RELN: variants seen among roughly 807,000 people sequenced by gnomAD.
RELN encodes the protein reelin.
In RELN, 108 loss-of-function variants were observed where a neutral mutation model predicts 427.6. The observed-to-expected ratio is 0.25, with a 90% confidence interval of 0.22 to 0.30. The LOEUF (loss-of-function observed/expected upper bound fraction) is 0.30, where lower values mean the gene tolerates loss of function less well. RELN is among the 10% of genes least tolerant of loss of function. RELN has a pLI of 1.00. For missense variants in RELN, 3,715 were observed against 4,302.8 expected (o/e 0.86, Z 3.82); for synonymous variants, 1,524 against 1,513.4 (o/e 1.01, Z -0.16).
chr7:103,730,293 G>A (rs1456467542), intron 6 of RELN, among the ~76,000 whole-genome samples: 2 of 151,798 alleles, frequency 1.3e-5, no homozygotes, highest in East Asian at 1.9e-4. Flanking sequence ...TATTTATCAA[G>A]AAAATATCTA....
chr7:103,872,987 A>C (rs7809141), intron 2 of RELN, among the ~76,000 whole-genome samples: 119,157 of 151,570 alleles, frequency 0.79, 46,979 homozygotes, highest in South Asian at 0.9. Flanking sequence ...GAGTAGGTTG[A>C]GAAAATTAAC....
At chr7:103,522,305 A>G (rs1249011063) in intron 47 of RELN, 106 bp from the exon 48 acceptor site, 1 of 1,141,904 alleles carries the variant, frequency 8.8e-7, no homozygotes, top group Admixed American at 2.0e-5. Flanking sequence ...AGATGATGAA[A>G]AGTTACTGAT....
chr7:103,779,822 G>A (rs186401423), intron 3 of RELN, among the ~76,000 whole-genome samples: 5,455 of 152,234 alleles, frequency 0.036, 152 homozygotes, highest in South Asian at 0.08. Flanking sequence ...CCACCTCCCA[G>A]GTTCAAGCGA....
chr7:103,574,351 C>G, intron 29 of RELN, 52 bp from the exon 30 acceptor site: 1 of 1,498,666 alleles, frequency 6.7e-7, no homozygotes, highest in South Asian at 1.1e-5. Flanking sequence ...TCATTCAAAA[C>G]GAGGTCTATT....
At chr7:103,912,416 C>T (rs1292296249) in intron 2 of RELN, among the ~76,000 whole-genome samples, 1 of 152,082 alleles carries the variant, frequency 6.6e-6, no homozygotes, top group African/African-American at 2.4e-5. Flanking sequence ...GAACTCCTGA[C>T]CTTGTGATCT....
chr7:103,892,863 A>T (rs754697349), intron 2 of RELN, among the ~76,000 whole-genome samples: 13 of 152,202 alleles, frequency 8.5e-5, no homozygotes. Flanking sequence ...CTTTCAGAAT[A>T]TACCTATGAT....
intron 46 of RELN, among the ~76,000 whole-genome samples, chr7:103,530,652 G>C (rs6465927): frequency 0.065 from 9,914 of 152,062 alleles, 1,075 homozygotes; most frequent in African/African-American, 0.22. Context: ...GCTTGAATCG[G>C]CAACTCATGT....
At chr7:103,502,670 A>C (rs17152191) in intron 52 of RELN, among the ~76,000 whole-genome samples, 20,083 of 152,222 alleles carry the variant, frequency 0.13, 1,427 homozygotes, top group African/African-American at 0.19. Flanking sequence ...GAAAGTATAT[A>C]GTGCACAGAG....
chr7:103,775,261 C>T (rs923486974), intron 4 of RELN, among the ~76,000 whole-genome samples: 4 of 152,078 alleles, frequency 2.6e-5, no homozygotes, highest in Admixed American at 6.5e-5. Flanking sequence ...TACAAAGGCA[C>T]ATTTTAATAT....
At chr7:103,527,310 A>G (rs1829843017) in intron 46 of RELN, among the ~76,000 whole-genome samples, 1 of 152,222 alleles carries the variant, frequency 6.6e-6, no homozygotes, top group East Asian at 1.9e-4. Context: ...CGAAAGAGAT[A>G]CATAAAATAT....
intron 64 of RELN, chr7:103,473,152 A>G (rs772430103): frequency 3.3e-6 from 2 of 613,210 alleles, no homozygotes; most frequent in Non-Finnish European, 3.0e-6. Flanking sequence ...TCTGAACCAG[A>G]AAATATGTGA....
At chr7:103,508,180 T>G (rs1208553573) in intron 51 of RELN, among the ~76,000 whole-genome samples, 1 of 152,118 alleles carries the variant, frequency 6.6e-6, no homozygotes, top group African/African-American at 2.4e-5. Context: ...CCTAACTCAT[T>G]TTATGAGGCC....
chr7:103,558,079 CTTT>C, intron 36 of RELN, 30 bp from the exon 37 acceptor site: 1 of 1,056,598 alleles, frequency 9.5e-7, no homozygotes, highest in Non-Finnish European at 1.5e-6. Flanking sequence ...CGTTAAGCAA[CTTT>C]TTTTCACTTG....
At chr7:103,942,483 T>A (rs1365744501) in intron 1 of RELN, among the ~76,000 whole-genome samples, 1 of 152,242 alleles carries the variant, frequency 6.6e-6, no homozygotes, top group Admixed American at 6.5e-5. Flanking sequence ...CAGAACACTT[T>A]TAAATAAATC....
chr7:103,906,342 A>G (rs549841188), intron 2 of RELN, among the ~76,000 whole-genome samples: 2 of 152,284 alleles, frequency 1.3e-5, no homozygotes, highest in Admixed American at 1.3e-4. Context: ...TATCCATAAA[A>G]TAAGGAGAAT....
intron 2 of RELN, among the ~76,000 whole-genome samples, chr7:103,894,276 AG>A (rs1160686679): frequency 2.6e-5 from 4 of 152,188 alleles, no homozygotes; most frequent in Non-Finnish European, 5.9e-5. Flanking sequence ...TTTGACCTAT[AG>A]TATACTCTTC....
intron 22 of RELN, among the ~76,000 whole-genome samples, chr7:103,608,829 A>T (rs1331547733): frequency 6.6e-6 from 1 of 152,220 alleles, no homozygotes; most frequent in Non-Finnish European, 1.5e-5. Flanking sequence ...GAACCTGCAA[A>T]GGCTTTTCTG....
intron 2 of RELN, among the ~76,000 whole-genome samples, chr7:103,854,174 C>T (rs1466750763): frequency 1.3e-5 from 2 of 152,082 alleles, no homozygotes; most frequent in Non-Finnish European, 1.5e-5. Flanking sequence ...GATTCACCAA[C>T]CTGTTTGCTT....
At chr7:103,837,145 G>A (rs1458979891) in intron 2 of RELN, among the ~76,000 whole-genome samples, 6 of 151,972 alleles carry the variant, frequency 3.9e-5, no homozygotes, top group Non-Finnish European at 8.8e-5. Flanking sequence ...ATGGTCCTAG[G>A]TTCCCATCAT....
Sources: gnomAD v4.1 joint callset for allele counts (sites outside exome capture counted in the v4.1 genomes callset) on GRCh38, gnomAD v4.1.1 for gene constraint, MANE v1.5 for transcripts, NCBI Gene and HGNC (gene_info 2026-07-23, HGNC 2026-07-21) for gene names.